Variants in BNC2 observed in about 807,000 individuals in gnomAD.
BNC2 encodes basonuclin zinc finger protein 2.
A neutral mutation model predicts 76.3 loss-of-function variants in BNC2; 20 were observed. The ratio of observed to expected loss-of-function variants is 0.26; its 90% CI spans 0.18 to 0.38. The LOEUF (loss-of-function observed/expected upper bound fraction) is 0.38. Among genes scored for constraint, BNC2 ranks in the 10% least tolerant of loss-of-function variants. The pLI is 1.00. For missense variants in BNC2, 1,382 were observed against 1,399.8 expected, an observed-to-expected ratio of 0.99 and a Z score of 0.20; for synonymous variants, 582 against 514.8, an observed-to-expected ratio of 1.13 and a Z score of -1.77.
intron 1 of BNC2, among the ~76,000 whole-genome samples, chr9:16,862,585 C>T (rs575318194): frequency 2.0e-5 from 3 of 152,116 alleles, no homozygotes; most frequent in South Asian, 4.1e-4. Flanking sequence ...CAGTCACCTG[C>T]GTAGAGATAC....
At chr9:16,565,106 T>G (rs1358520588) in intron 4 of BNC2, among the ~76,000 whole-genome samples, 1 of 152,172 alleles carries the variant, frequency 6.6e-6, no homozygotes, top group African/African-American at 2.4e-5. Context: ...TCCTAACTGA[T>G]TTGGTCTCTC....
chr9:16,526,896 C>T (rs1281702620), intron 5 of BNC2, among the ~76,000 whole-genome samples: 1 of 152,130 alleles, frequency 6.6e-6, no homozygotes, highest in Non-Finnish European at 1.5e-5. Flanking sequence ...TATTGTAGAG[C>T]ATAATAAGAA....
rs561406228 is a variant in BNC2 at position 16,709,485 on chromosome 9, G to T, written c.330+18312C>A. 2.0e-5 allele frequency among the ~76,000 whole-genome samples: 3 copies of T among 152,282 alleles called. No homozygotes were observed. In the East Asian group the frequency reaches 5.8e-4, roughly 29 times the overall value. ...CACAGAGCTTATCAAAATAGGAAGG[G>T]AAGAGAGAGTTAAGCGAATTTTGTT... On this transcript the variant is annotated intron_variant, in intron 3 of 6. Coordinates refer to ENST00000380672, the MANE Select transcript of BNC2 (RefSeq NM_017637.6).
intron 1 of BNC2, among the ~76,000 whole-genome samples, chr9:16,793,872 T>TG (rs1288348937): frequency 1.4e-5 from 2 of 142,884 alleles, no homozygotes; most frequent in Non-Finnish European, 3.1e-5. Context: ...TTTTTTGTTT[T>TG]TTTTTTTTTT....
intron 3 of BNC2, among the ~76,000 whole-genome samples, chr9:16,709,495 T>C (rs1020878660): frequency 6.6e-6 from 1 of 151,806 alleles, no homozygotes; most frequent in African/African-American, 2.4e-5. Flanking sequence ...GAAGAGAGAG[T>C]TAAGCGAATT....
intron 3 of BNC2, among the ~76,000 whole-genome samples, chr9:16,667,174 T>C (rs546994342): frequency 1.8e-4 from 28 of 152,128 alleles, no homozygotes; most frequent in Non-Finnish European, 4.0e-4. Context: ...TGGTTGTTTA[T>C]CCAAATGGTA....
At position 16,448,443 on chromosome 9, in the gene BNC2, T is replaced by G. The variant is rs1011462111; in HGVS notation, c.670-10919A>C. Among the ~76,000 whole-genome samples, 3 of 152,318 alleles carry G rather than the reference T, an allele frequency of 2.0e-5. No individual in the cohort carries two copies. In the East Asian group the frequency reaches 5.8e-4, roughly 29 times the overall value. ...CTTTGAGGTTCCATAAGGTTCCATCTGCACAATCAAGATTACTGATATTGG... is the reference window on the plus strand; with the variant it reads ...CTTTGAGGTTCCATAAGGTTCCATCGGCACAATCAAGATTACTGATATTGG... On this transcript the variant is annotated intron_variant, in intron 5 of 6. Transcript: ENST00000380672.
At chr9:16,751,036 T>G (rs536726630) in intron 1 of BNC2, among the ~76,000 whole-genome samples, 47 of 152,218 alleles carry the variant, frequency 3.1e-4, no homozygotes, top group African/African-American at 1.1e-3. Context: ...TCACCAACCA[T>G]CAGTCTAAAT....
At chr9:16,833,805 G>A (rs1000141021) in intron 1 of BNC2, among the ~76,000 whole-genome samples, 1 of 152,164 alleles carries the variant, frequency 6.6e-6, no homozygotes, top group African/African-American at 2.4e-5. Flanking sequence ...TTCATTTAGA[G>A]TAGTAACTCT....
chr9:16,507,617 CAG>C (rs1489860654), intron 5 of BNC2, among the ~76,000 whole-genome samples: 1 of 152,084 alleles, frequency 6.6e-6, no homozygotes, highest in East Asian at 1.9e-4. Context: ...TTAGTAGAGA[CAG>C]GGTTTCATTA....
chr9:16,688,564 C>A (rs74512669), intron 3 of BNC2, among the ~76,000 whole-genome samples: 1 of 152,124 alleles, frequency 6.6e-6, no homozygotes, highest in Non-Finnish European at 1.5e-5. Context: ...ACTTGACATA[C>A]TATATAGTAC....
intron 1 of BNC2, among the ~76,000 whole-genome samples, chr9:16,844,719 G>A (rs908309224): frequency 3.9e-5 from 6 of 151,978 alleles, no homozygotes; most frequent in African/African-American, 7.2e-5. Flanking sequence ...GGCTGGTCTC[G>A]GACTCCTTAC....
chr9:16,619,078 T>C (rs535849209), intron 3 of BNC2, among the ~76,000 whole-genome samples: 25 of 152,262 alleles, frequency 1.6e-4, no homozygotes, highest in African/African-American at 5.8e-4. Flanking sequence ...CTAAGGGCTC[T>C]CTATCCCCTG....
intron 3 of BNC2, among the ~76,000 whole-genome samples, chr9:16,680,446 G>A (rs1822791075): frequency 6.6e-6 from 1 of 151,838 alleles, no homozygotes; most frequent in Non-Finnish European, 1.5e-5. Flanking sequence ...AGCTAAGAAG[G>A]TAGCAGAAAT....
At chr9:16,702,968 C>G (rs1018153825) in intron 3 of BNC2, among the ~76,000 whole-genome samples, 1 of 152,150 alleles carries the variant, frequency 6.6e-6, no homozygotes, top group African/African-American at 2.4e-5. Context: ...GTGTGCCTGG[C>G]ACAATGGGAA....
At chr9:16,677,578 AACACAC>A (rs57587457) in intron 3 of BNC2, among the ~76,000 whole-genome samples, 1 of 139,254 alleles carries the variant, frequency 7.2e-6, no homozygotes, top group African/African-American at 2.8e-5. Context: ...GTCTCAAACA[AACACAC>A]ACACACACAC....
rs529731174 is a variant in BNC2, at chr9:16,630,521, G to C, written c.331-47436C>G. 1.3e-4 allele frequency among the ~76,000 whole-genome samples: 20 copies of C among 152,250 alleles called. No homozygotes were observed. The East Asian group carries it at 3.5e-3, about 26-fold the overall frequency. ...TGAAAACAAAAAATGATTAACACCT[G>C]TGTGGAAGGAACTATTGGCGATGCT... On this transcript the variant is annotated intron_variant, in intron 3 of 6. Coordinates refer to ENST00000380672, the MANE Select transcript of BNC2 (RefSeq NM_017637.6).
intron 3 of BNC2, among the ~76,000 whole-genome samples, chr9:16,633,086 T>TGG (rs1821213135): frequency 6.6e-6 from 1 of 152,246 alleles, no homozygotes; most frequent in Admixed American, 6.5e-5. Context: ...AATTGGAGTC[T>TGG]GTTTTAGATG....
intron 1 of BNC2, among the ~76,000 whole-genome samples, chr9:16,849,241 A>T (rs1282540142): frequency 6.6e-6 from 1 of 152,062 alleles, no homozygotes; most frequent in Non-Finnish European, 1.5e-5. Flanking sequence ...CACCAAAAAA[A>T]TCTATAAATT....
Sources: gnomAD v4.1 joint callset for allele counts (sites outside exome capture counted in the v4.1 genomes callset) on GRCh38, gnomAD v4.1.1 for gene constraint, MANE v1.5 for transcripts, NCBI Gene and HGNC (gene_info 2026-07-23, HGNC 2026-07-21) for gene names.